The following GMPS variants were observed in gnomAD, a reference collection of about 807,000 sequenced individuals.
The protein encoded by GMPS is guanosine monophosphate synthase.
A neutral mutation model predicts 77.9 loss-of-function variants in GMPS; 15 were observed. That is an observed-to-expected ratio of 0.19 (90% confidence interval 0.13 to 0.30). GMPS has a LOEUF of 0.30. Ranked by LOEUF, GMPS falls within the 10% of genes least tolerant of loss-of-function variation. GMPS has a pLI of 1.00. For synonymous variants in GMPS, 224 were observed against 275.9 expected (o/e 0.81, Z 1.86); for missense variants, 590 against 838.8 (o/e 0.70, Z 3.66).
At chr3:155,890,962 A>T (rs1754448993) in intron 1 of GMPS, among the ~76,000 whole-genome samples, 1 of 152,232 alleles carries the variant, frequency 6.6e-6, no homozygotes, top group Non-Finnish European at 1.5e-5. Context: ...TCAGTGTAAG[A>T]CAGGCAACAC....
chr3:155,907,492 G>A (rs1754923763), intron 5 of GMPS, among the ~76,000 whole-genome samples: 2 of 152,162 alleles, frequency 1.3e-5, no homozygotes, highest in Non-Finnish European at 2.9e-5. Flanking sequence ...AGGAGGCTGA[G>A]GTGGGAGAAT....
At chr3:155,875,184 G>A (rs1220175245) in intron 1 of GMPS, among the ~76,000 whole-genome samples, 3 of 151,348 alleles carry the variant, frequency 2.0e-5, no homozygotes, top group Non-Finnish European at 4.4e-5. Flanking sequence ...TCCCAAAGTC[G>A]TGGGATTACA....
upstream of GMPS, among the ~76,000 whole-genome samples, chr3:155,870,337 G>A (rs553687060): frequency 6.6e-6 from 1 of 151,870 alleles, no homozygotes; most frequent in Admixed American, 6.6e-5. Context: ...AACTAGCTCG[G>A]ATTCGGCTTC....
chr3:155,934,720 G>T (rs1195378076), intron 13 of GMPS, among the ~76,000 whole-genome samples, 196 bp from the exon 14 acceptor site: 2 of 152,096 alleles, frequency 1.3e-5, no homozygotes, highest in Non-Finnish European at 2.9e-5. Flanking sequence ...AGGAAAACAC[G>T]TAGAACACAG....
chr3:155,917,695 A>G (rs1755217496), intron 9 of GMPS, among the ~76,000 whole-genome samples: 1 of 152,048 alleles, frequency 6.6e-6, no homozygotes, highest in African/African-American at 2.4e-5. Flanking sequence ...CAACATGATG[A>G]AACCCCGTCT....
rs1755844325 is a variant in GMPS at position 155,939,642 on chromosome 3, C to A, written c.*1950C>A. ...TTCCTGATATTTGTTTTTTGAACAC[C>A]TTTTATATAATCCCTTCTAATATAT... On this transcript the variant is annotated 3_prime_UTR_variant, in exon 16 of 16. Transcript: ENST00000496455. 1 of 193,268 alleles carries A rather than the reference C, an allele frequency of 5.2e-6. No individual in the cohort carries two copies. The allele number at this position is 193,268 out of a possible 1,614,324, so 12.0% of individuals were successfully genotyped here. A position where few individuals can be genotyped will look rare whatever the true frequency, so the allele number is the denominator to read the frequency against.
intron 10 of GMPS, 94 bp downstream of exon 10, chr3:155,919,432 C>G: frequency 1.5e-6 from 1 of 654,978 alleles, no homozygotes. Flanking sequence ...TCTGTCATCT[C>G]AGGGAATATG....
chr3:155,914,153 A>G (rs1159914773), intron 7 of GMPS, among the ~76,000 whole-genome samples: 3 of 151,378 alleles, frequency 2.0e-5, no homozygotes, highest in Admixed American at 2.0e-4. Flanking sequence ...TCACCATGTT[A>G]GCCAGGATGG....
chr3:155,897,268 A>G (rs548117183), intron 2 of GMPS, among the ~76,000 whole-genome samples: 65 of 152,274 alleles, frequency 4.3e-4, no homozygotes, highest in African/African-American at 1.3e-3. Flanking sequence ...GTTTTCCCTT[A>G]TTATAGTAGT....
At chr3:155,927,466 T>C (rs1011243137) in intron 12 of GMPS, among the ~76,000 whole-genome samples, 4 of 152,244 alleles carry the variant, frequency 2.6e-5, no homozygotes, top group African/African-American at 9.6e-5. Flanking sequence ...GATAATCTGA[T>C]GAATGAGTGA....
At chr3:155,917,000 A>C (rs1379808342) in intron 9 of GMPS, among the ~76,000 whole-genome samples, 2 of 149,584 alleles carry the variant, frequency 1.3e-5, no homozygotes, top group Non-Finnish European at 3.0e-5. Context: ...TTTGAGACAG[A>C]GTCTCACTCT....
At chr3:155,873,029 G>T (rs1230663206) in intron 1 of GMPS, among the ~76,000 whole-genome samples, 1 of 152,192 alleles carries the variant, frequency 6.6e-6, no homozygotes, top group East Asian at 1.9e-4. Flanking sequence ...ATTTTCCATA[G>T]CCTACCACTG....
intron 1 of GMPS, among the ~76,000 whole-genome samples, chr3:155,873,260 T>G (rs924965269): frequency 7.2e-5 from 11 of 152,140 alleles, no homozygotes; most frequent in Non-Finnish European, 1.5e-4. Flanking sequence ...TTAATTATTT[T>G]TTATACACAA....
chr3:155,927,262 C>G (rs1221451902), intron 12 of GMPS, among the ~76,000 whole-genome samples: 1 of 152,072 alleles, frequency 6.6e-6, no homozygotes, highest in African/African-American at 2.4e-5. Flanking sequence ...TGCAATGATA[C>G]TTACAGGCAG....
In GMPS at chr3:155,910,199, A is replaced by G. The variant is rs138899944; in HGVS notation, c.527-493A>G. 3.7e-3 allele frequency among the ~76,000 whole-genome samples: 565 copies of G among 152,248 alleles called. 3 individuals are homozygous for G. The highest frequency in any genetic ancestry group is 6.5e-3 in the Non-Finnish European group (439 of 68,016). On this transcript the variant is annotated intron_variant, in intron 5 of 15. Transcript: ENST00000496455. ...AGGCAGAGGTGACAAGTGAGCCAAGATCGCACCGCTGCACTCCAGCCTGGG... is the reference window on the plus strand; with the variant it reads ...AGGCAGAGGTGACAAGTGAGCCAAGGTCGCACCGCTGCACTCCAGCCTGGG...
chr3:155,893,439 A>G, intron 1 of GMPS, 79 bp from the exon 2 acceptor site: 1 of 877,774 alleles, frequency 1.1e-6, no homozygotes, highest in Non-Finnish European at 1.7e-6. Context: ...TGGAGCTGAC[A>G]GTGATCATTA....
chr3:155,905,549 T>C (rs1306479072), intron 4 of GMPS, among the ~76,000 whole-genome samples: 1 of 152,240 alleles, frequency 6.6e-6, no homozygotes, highest in Non-Finnish European at 1.5e-5. Context: ...AGTTGGGCAG[T>C]ACCTAGTCTT....
chr3:155,908,328 G>GTGACCTCGGATTCAATCTGTGAGA (rs1239438129), intron 5 of GMPS, among the ~76,000 whole-genome samples: 9 of 152,210 alleles, frequency 5.9e-5, no homozygotes, highest in Non-Finnish European at 1.3e-4. Flanking sequence ...TTCCTGTGTG[G>GTGACCTCGGATTCAATCTGTGAGA]TGACCTCGGA....
intron 1 of GMPS, among the ~76,000 whole-genome samples, chr3:155,890,430 T>G (rs1754437426): frequency 6.6e-6 from 1 of 152,224 alleles, no homozygotes; most frequent in Non-Finnish European, 1.5e-5. Context: ...AAATTTTTGT[T>G]AAATCACTAA....
Sources: allele counts gnomAD v4.1 joint callset (sites outside exome capture counted in the v4.1 genomes callset), GRCh38; gene constraint gnomAD v4.1.1; transcripts MANE v1.5; gene names NCBI Gene and HGNC (gene_info 2026-07-23, HGNC 2026-07-21).